The following ANO10 variants were observed in gnomAD, a reference collection of about 807,000 sequenced individuals.
ANO10 encodes anoctamin-10.
A neutral mutation model predicts 74.7 loss-of-function variants in ANO10; 77 were observed. That is an observed-to-expected ratio of 1.03 (90% CI 0.86 to 1.25). ANO10 has a LOEUF of 1.25. Among genes scored for constraint, ANO10 ranks in the 50% most tolerant of loss-of-function variants. The probability of loss-of-function intolerance (pLI) is 0.00; values close to 1 mark genes in which losing one functional copy is unlikely to be tolerated. For synonymous variants in ANO10, 279 were observed against 284.9 expected (o/e 0.98, Z 0.21); for missense variants, 721 against 778.1 (o/e 0.93, Z 0.87).
At chr3:43,398,903 AC>A (rs1368119270) in intron 12 of ANO10, among the ~76,000 whole-genome samples, 1 of 152,208 alleles carries the variant, frequency 6.6e-6, no homozygotes, top group Non-Finnish European at 1.5e-5. Flanking sequence ...ATCTTGGCTC[AC>A]TGCAACCTCT....
intron 10 of ANO10, 130 bp from the exon 11 acceptor site, chr3:43,549,978 A>T (rs1474543438): frequency 2.7e-6 from 3 of 1,098,098 alleles, no homozygotes; most frequent in Admixed American, 2.6e-5. Context: ...TACATTTTAA[A>T]TTTTTTTCTC....
chr3:43,488,889 T>C lies in ANO10; in HGVS notation c.1798-56162A>G, dbSNP rs200371162. The stretch of plus-strand genomic sequence containing the variant: ...TGCACACATATGTTTATTGTGGCAT[T>C]ATTCACAATAGCAAAGACTTGGAAC... On this transcript the variant is annotated intron_variant, in intron 11 of 12. Coordinates refer to ENST00000292246, the MANE Select transcript of ANO10 (RefSeq NM_018075.5). Among the ~76,000 whole-genome samples the C allele has an allele frequency of 1.1e-4, 16 of 152,164 alleles. No homozygotes were observed. In the East Asian group the frequency reaches 2.7e-3, roughly 26 times the overall value.
chr3:43,681,775 T>A (rs1343933161), intron 1 of ANO10, among the ~76,000 whole-genome samples: 1 of 151,374 alleles, frequency 6.6e-6, no homozygotes, highest in African/African-American at 2.4e-5. Flanking sequence ...ATTAAGAAAC[T>A]CACTCAAAAC....
intron 1 of ANO10, among the ~76,000 whole-genome samples, chr3:43,645,610 T>C (rs1430692998): frequency 6.6e-6 from 1 of 152,352 alleles, no homozygotes; most frequent in Non-Finnish European, 1.5e-5. Context: ...GTATTCTTTC[T>C]GAAGTGATTG....
At chr3:43,565,885 G>T (rs571373282) in intron 7 of ANO10, among the ~76,000 whole-genome samples, 158 bp from the exon 8 acceptor site, 64 of 152,310 alleles carry the variant, frequency 4.2e-4, no homozygotes, top group African/African-American at 1.5e-3. Flanking sequence ...CCTGAGCGAC[G>T]CAGAAGACGG....
At chr3:43,475,887 C>CCA (rs1454361380) in intron 11 of ANO10, among the ~76,000 whole-genome samples, 1 of 152,168 alleles carries the variant, frequency 6.6e-6, no homozygotes, top group Admixed American at 6.5e-5. Context: ...CAGGTGTGAA[C>CCA]CACCACACCT....
chr3:43,649,407 G>T (rs938620329), intron 1 of ANO10, among the ~76,000 whole-genome samples: 1 of 152,134 alleles, frequency 6.6e-6, no homozygotes, highest in Admixed American at 6.6e-5. Flanking sequence ...CCACTCATGA[G>T]ATTCCATGTA....
chr3:43,459,381 C>T (rs1302496571), intron 11 of ANO10, among the ~76,000 whole-genome samples: 1 of 152,092 alleles, frequency 6.6e-6, no homozygotes, highest in African/African-American at 2.4e-5. Flanking sequence ...CAGTAAGTAA[C>T]AAACAAGGTG....
chr3:43,586,049 C>G (rs1442069235), intron 4 of ANO10, among the ~76,000 whole-genome samples: 3 of 152,232 alleles, frequency 2.0e-5, no homozygotes, highest in Admixed American at 6.5e-5. Flanking sequence ...CTAAGAGCAC[C>G]CATGCTTCTG....
chr3:43,676,213 G>A (rs926415617), intron 1 of ANO10, among the ~76,000 whole-genome samples: 1 of 152,018 alleles, frequency 6.6e-6, no homozygotes, highest in Non-Finnish European at 1.5e-5. Context: ...TAATCCCAAT[G>A]CTTTGGGAGG....
intron 12 of ANO10, among the ~76,000 whole-genome samples, chr3:43,430,764 G>A (rs956604526): frequency 1.1e-4 from 16 of 151,758 alleles, no homozygotes; most frequent in Non-Finnish European, 1.8e-4. Context: ...AAGTTTCCTT[G>A]CTATTCTCAG....
intron 11 of ANO10, among the ~76,000 whole-genome samples, chr3:43,443,679 C>CTTTTTTTTTT (rs59685910): frequency 8.2e-6 from 1 of 122,034 alleles, no homozygotes; most frequent in Non-Finnish European, 1.6e-5. Context: ...TTCCTTCCTT[C>CTTTTTTTTTT]TTTTTTTTTT....
rs985886757 is a variant in ANO10, at chr3:43,439,990, A to G, written c.1798-7263T>C. ...GAAGTTTTTATCAGTTTAAACTATA[A>G]GATATTTTATGTAATCCCCATGATA... On this transcript the variant is annotated intron_variant, in intron 11 of 12. Transcript: ENST00000292246. Among the ~76,000 whole-genome samples the G allele has an allele frequency of 6.6e-5, 10 of 152,326 alleles. No individual in the cohort carries two copies. The East Asian group carries it at 1.9e-3, about 29-fold the overall frequency.
At chr3:43,428,514 T>C (rs913735753) in intron 12 of ANO10, among the ~76,000 whole-genome samples, 2 of 151,872 alleles carry the variant, frequency 1.3e-5, no homozygotes, top group East Asian at 1.9e-4. Context: ...GAGCTGCACA[T>C]GTACAAATTT....
chr3:43,614,801 A>G (rs4682896), intron 1 of ANO10, among the ~76,000 whole-genome samples: 11,045 of 98,828 alleles, frequency 0.11, 1,494 homozygotes, highest in Admixed American at 0.19. Context: ...ATATATATAT[A>G]TAGGTTCATT....
chr3:43,469,520 A>G (rs376840375), intron 11 of ANO10, among the ~76,000 whole-genome samples: 9 of 152,132 alleles, frequency 5.9e-5, no homozygotes, highest in African/African-American at 2.2e-4. Flanking sequence ...CATTAATTGC[A>G]CTGTTAGGAG....
At chr3:43,508,799 T>A (rs2077395870) in intron 11 of ANO10, among the ~76,000 whole-genome samples, 3 of 139,746 alleles carry the variant, frequency 2.1e-5, no homozygotes, top group African/African-American at 5.4e-5. Context: ...TGTTGTGGGG[T>A]AGGGGGAGGC....
intron 1 of ANO10, among the ~76,000 whole-genome samples, chr3:43,637,426 G>A (rs750041320): frequency 2.7e-5 from 4 of 147,578 alleles, no homozygotes; most frequent in Admixed American, 6.7e-5. Context: ...CCGAGATGGC[G>A]CCACTGCACT....
At position 43,620,579 on chromosome 3, in the gene ANO10, A is replaced by G. The variant is rs1158424060; in HGVS notation, c.-12+1330T>C. ...GATTACCTGAGGTCAGGAGTTCAAG[A>G]CCAGCCTGGCCAACATGGTGGAACC... On this transcript the variant is annotated intron_variant, in intron 1 of 12. Coordinates refer to ENST00000292246, the MANE Select transcript of ANO10 (RefSeq NM_018075.5). 2.6e-5 allele frequency among the ~76,000 whole-genome samples: 4 copies of G among 152,166 alleles called. No homozygotes were observed. The East Asian group carries it at 7.7e-4, about 29-fold the overall frequency.
Sources: gnomAD v4.1 joint callset for allele counts (sites outside exome capture counted in the v4.1 genomes callset) on GRCh38, gnomAD v4.1.1 for gene constraint, MANE v1.5 for transcripts, NCBI Gene and HGNC (gene_info 2026-07-23, HGNC 2026-07-21) for gene names.